Variants in SNX19 observed in about 807,000 individuals in gnomAD.
SNX19 encodes sorting nexin 19.
Under a neutral mutation model 85.2 loss-of-function variants are expected in SNX19, and 60 were observed. The ratio of observed to expected loss-of-function variants is 0.70; its 90% CI spans 0.57 to 0.87. SNX19 has a LOEUF of 0.87. SNX19 is among the 40% of genes least tolerant of loss of function. The probability of loss-of-function intolerance (pLI) is 0.00; values close to 1 mark genes in which losing one functional copy is unlikely to be tolerated. For synonymous variants in SNX19, 520 were observed against 470.0 expected (o/e 1.11, Z -1.38); for missense variants, 1,201 against 1,217.8 (o/e 0.99, Z 0.21).
chr11:130,900,364 A>G (rs577514261), intron 8 of SNX19, among the ~76,000 whole-genome samples: 282 of 152,278 alleles, frequency 1.9e-3, no homozygotes, highest in African/African-American at 6.3e-3. Context: ...AAAAGAAAGA[A>G]GTCTCACAGC....
rs1205171668 is a variant in SNX19, at chr11:130,877,285, A to G, written c.*1137T>C. The G allele has an allele frequency of 1.3e-5, 2 of 152,264 alleles. No individual in the cohort carries two copies. The highest frequency in any genetic ancestry group is 2.9e-5 in the Non-Finnish European group (2 of 68,076). 9.4% of individuals were successfully genotyped at this position (152,264 alleles called of 1,614,324 possible). A position where few individuals can be genotyped will look rare whatever the true frequency, so the allele number is the denominator to read the frequency against. ...AATTCCTCCTGATTTATCCTTCTCC[A>G]GCAATTCCCAGTTGCCTTGCCTTTC... On this transcript the variant is annotated 3_prime_UTR_variant, in exon 11 of 11. Transcript: ENST00000265909.
intron 8 of SNX19, chr11:130,894,996 A>G (rs1033558988): frequency 3.0e-6 from 3 of 985,304 alleles, no homozygotes; most frequent in Non-Finnish European, 3.6e-6. Context: ...ATAGCCTCAA[A>G]GCAAGATCTG....
At chr11:130,890,207 C>T (rs1401544068) in intron 8 of SNX19, among the ~76,000 whole-genome samples, 1 of 152,114 alleles carries the variant, frequency 6.6e-6, no homozygotes, top group Non-Finnish European at 1.5e-5. Flanking sequence ...TAATCCAACA[C>T]CACATAATCA....
At position 130,875,331 on chromosome 11, in the gene SNX19, T is replaced by C. The variant is rs1943185732; in HGVS notation, c.*3091A>G. Reference sequence around the variant, plus strand: ...CTCACAGAAGCAGAAAGTAGAACAGTGATTGCCAGAGGCTGGTGGGAGGGG... The same window carrying C: ...CTCACAGAAGCAGAAAGTAGAACAGCGATTGCCAGAGGCTGGTGGGAGGGG... On this transcript the variant is annotated 3_prime_UTR_variant, in exon 11 of 11. Coordinates refer to ENST00000265909, the MANE Select transcript of SNX19 (RefSeq NM_014758.3). 6.6e-6 allele frequency: 1 copy of C among 152,084 alleles called. No homozygotes were observed. Among genetic ancestry groups the C allele is most frequent in the South Asian group, 2.1e-4 (1 of 4,824 alleles). 9.4% of individuals were successfully genotyped at this position (152,084 alleles called of 1,614,324 possible).
intron 8 of SNX19, among the ~76,000 whole-genome samples, chr11:130,890,792 T>G (rs1195827724): frequency 1.3e-5 from 2 of 152,112 alleles, no homozygotes; most frequent in Non-Finnish European, 2.9e-5. Flanking sequence ...GAATCACATA[T>G]AGAGTTCTTT....
chr11:130,911,787 A>C lies in SNX19; in HGVS notation c.1675-16T>G. 1.2e-6 allele frequency: 2 copies of C among 1,611,592 alleles called. No homozygotes were observed. The highest frequency in any genetic ancestry group is 1.7e-6 in the Non-Finnish European group (2 of 1,178,192). ...CTGTCTCGTACTGTTCAACGAACAA[A>C]TTGATTGACTCAATCAGCCGGGTTT... On this transcript the variant is annotated splice_polypyrimidine_tract_variant and intron_variant, in intron 1 of 10. Coordinates refer to ENST00000265909, the MANE Select transcript of SNX19 (RefSeq NM_014758.3).
chr11:130,889,622 A>G (rs1400038991), intron 8 of SNX19, among the ~76,000 whole-genome samples: 8 of 152,144 alleles, frequency 5.3e-5, no homozygotes, highest in Admixed American at 6.5e-5. Context: ...GCTCCTGTGA[A>G]TTCCAGTACT....
At position 130,916,073 on chromosome 11, in the gene SNX19, C is replaced by A; in HGVS notation, c.-134G>T. On this transcript the variant is annotated 5_prime_UTR_variant, in exon 1 of 11. Coordinates refer to ENST00000265909, the MANE Select transcript of SNX19 (RefSeq NM_014758.3). The stretch of plus-strand genomic sequence containing the variant: ...TGTTCAGGGAACCGGGGCTCCAGGC[C>A]CTCAAAGTCCTACAGGCACTGCAAA... The A allele has an allele frequency of 2.7e-6, 2 of 746,104 alleles. No individual in the cohort carries two copies. The highest frequency in any genetic ancestry group is 4.3e-6 in the Non-Finnish European group (2 of 461,128). The allele number at this position is 746,104 out of a possible 1,614,324, so 46.2% of individuals were successfully genotyped here.
Position 130,910,188 on chromosome 11 carries a change from A to G in SNX19, c.1915-51T>C, listed in dbSNP as rs1217247086. ...TTTAAAGAGAAATTCCAGTCCCCAA[A>G]TCTCTCCACCTTGGCTTGGGTGTTC... On this transcript the variant is annotated intron_variant, in intron 3 of 10. Coordinates refer to ENST00000265909, the MANE Select transcript of SNX19 (RefSeq NM_014758.3). 3 of 1,613,728 alleles carry G rather than the reference A, an allele frequency of 1.9e-6. No individual in the cohort carries two copies. In the East Asian group the frequency reaches 6.7e-5, roughly 36 times the overall value.
In SNX19 at chr11:130,879,717, G is replaced by A. The variant is rs1364244948; in HGVS notation, c.2759-6C>T. On this transcript the variant is annotated splice_polypyrimidine_tract_variant and splice_region_variant and intron_variant, in intron 9 of 10. Coordinates refer to ENST00000265909, the MANE Select transcript of SNX19 (RefSeq NM_014758.3). ...AAGAATTTCTACTACGAGATCTGAGGAGGAAAAAACAGATGGAATTTGCGT... is the reference window on the plus strand; with the variant it reads ...AAGAATTTCTACTACGAGATCTGAGAAGGAAAAAACAGATGGAATTTGCGT... The A allele has an allele frequency of 1.2e-6, 2 of 1,613,442 alleles. No individual in the cohort carries two copies. Among genetic ancestry groups the A allele is most frequent in the Non-Finnish European group, 1.7e-6 (2 of 1,179,530 alleles).
rs1201031002 is a variant in SNX19, at chr11:130,866,291, G to C, written c.*12131C>G. On this transcript the variant is annotated 3_prime_UTR_variant, in exon 11 of 11. Transcript: ENST00000265909. ...TTTACTAAGCATTTTTTATGTGCAG[G>C]AGAGAGTACAAACCAACATGCAACA... 6.6e-6 allele frequency: 1 copy of C among 152,166 alleles called. No homozygotes were observed. The highest frequency in any genetic ancestry group is 6.5e-5 in the Admixed American group (1 of 15,280). 9.4% of individuals were successfully genotyped at this position (152,166 alleles called of 1,614,324 possible).
intron 8 of SNX19, among the ~76,000 whole-genome samples, chr11:130,901,003 G>A (rs1160878636): frequency 6.6e-6 from 1 of 152,182 alleles, no homozygotes; most frequent in African/African-American, 2.4e-5. Flanking sequence ...GGGAGACAAA[G>A]CTAGTTCCGG....
At chr11:130,909,125 C>G (rs1945891338) in intron 4 of SNX19, among the ~76,000 whole-genome samples, 1 of 152,222 alleles carries the variant, frequency 6.6e-6, no homozygotes, top group African/African-American at 2.4e-5. Flanking sequence ...AGGTCCTCAT[C>G]TGTCTCATTC....
At chr11:130,892,967 G>A (rs1456027635) in intron 8 of SNX19, 1 of 152,286 alleles carries the variant, frequency 6.6e-6, no homozygotes, top group African/African-American at 2.4e-5. Flanking sequence ...TGAGTCCGTG[G>A]AGGGGAAAGG....
Position 130,915,670 on chromosome 11 carries a change from T to G in SNX19, c.270A>C (p.Pro90=). 1 of 1,614,238 alleles carries G rather than the reference T, an allele frequency of 6.2e-7. No individual in the cohort carries two copies. Among genetic ancestry groups the G allele is most frequent in the Non-Finnish European group, 8.5e-7 (1 of 1,180,052 alleles). The change falls in exon 1 of 11, where the codon CCA becomes CCC. Residue 90 remains proline (P), a synonymous_variant. Transcript: ENST00000265909. Reference sequence around the variant, plus strand: ...CCAGCTGCCTTTCTGCCTCAGGGCATGGAGGACAGGTGGCCAACGGGATGA... The same window carrying G: ...CCAGCTGCCTTTCTGCCTCAGGGCAGGGAGGACAGGTGGCCAACGGGATGA... The part of the protein sequence containing the change: ...ERFIPLATCP[P]CPEAERQLER...
rs1394116426 is a variant in SNX19, at chr11:130,903,352, C to G, written c.2476G>C (p.Asp826His). The G allele has an allele frequency of 6.2e-7, 1 of 1,613,054 alleles. No individual in the cohort carries two copies. Among genetic ancestry groups the G allele is most frequent in the Admixed American group, 1.7e-5 (1 of 60,020 alleles). The stretch of plus-strand genomic sequence containing the variant: ...TCTGTTAGTAGCAAGAGGAGCAGAT[C>G]CAGGGCTGTGTCAGCTAACTCTGTC... ...TETELADTAL[D>H]LLLLLLTEQW... Residue 826 changes from aspartate to histidine, a missense_variant, in exon 8 of 11, where the codon GAT becomes CAT. Asp to His is a moderately conservative substitution (Grantham distance 81, BLOSUM62 -1). Around this residue, in one of 3 missense-constraint regions of SNX19, gnomAD observed 285 missense variants for 295.3 expected, o/e 0.97. Coordinates refer to ENST00000265909, the MANE Select transcript of SNX19 (RefSeq NM_014758.3).
intron 8 of SNX19, among the ~76,000 whole-genome samples, chr11:130,898,657 G>T (rs139869050): frequency 1.3e-5 from 2 of 152,322 alleles, no homozygotes; most frequent in Non-Finnish European, 1.5e-5. Context: ...CTCTGGAGAT[G>T]TCAAGTTTCC....
intron 5 of SNX19, 47 bp from the exon 6 acceptor site, chr11:130,906,768 G>A: frequency 3.0e-6 from 4 of 1,321,368 alleles, no homozygotes; most frequent in Non-Finnish European, 4.4e-6. Flanking sequence ...TTATGGCCTT[G>A]AGCCTCACAC....
chr11:130,908,709 AC>A (rs35890652), intron 4 of SNX19, among the ~76,000 whole-genome samples: 24,196 of 152,240 alleles, frequency 0.16, 2,191 homozygotes, highest in Middle Eastern at 0.25. Context: ...ATCTACTCAT[AC>A]AAGACCAAAT....
Sources: allele counts gnomAD v4.1 joint callset (sites outside exome capture counted in the v4.1 genomes callset), GRCh38; gene constraint gnomAD v4.1.1; regional missense constraint gnomAD v4.1.1; transcripts MANE v1.5; gene names NCBI Gene and HGNC (gene_info 2026-07-23, HGNC 2026-07-21).